Variants in WDPCP observed in about 807,000 individuals in gnomAD.
WDPCP encodes the protein WD repeat-containing and planar cell polarity effector protein fritz homolog.
In WDPCP, 71 loss-of-function variants were observed where a neutral mutation model predicts 93.1. The ratio of observed to expected loss-of-function variants is 0.76; its 90% CI spans 0.63 to 0.93. The LOEUF is 0.93. Ranked by LOEUF, WDPCP falls within the 40% of genes least tolerant of loss-of-function variation. The pLI is 0.00. For missense variants in WDPCP, 844 were observed against 887.4 expected, an observed-to-expected ratio of 0.95 and a Z score of 0.62; for synonymous variants, 315 against 315.0, an observed-to-expected ratio of 1.00 and a Z score of 0.00.
At chr2:63,215,641 T>C (rs1315431834) in intron 14 of WDPCP, among the ~76,000 whole-genome samples, 5 of 152,210 alleles carry the variant, frequency 3.3e-5, no homozygotes, top group South Asian at 2.1e-4. Context: ...ATTCAGGACA[T>C]AGGCATGGGC....
chr2:63,276,403 CAGA>C (rs1416303438), intron 13 of WDPCP, among the ~76,000 whole-genome samples: 1 of 152,092 alleles, frequency 6.6e-6, no homozygotes, highest in Non-Finnish European at 1.5e-5. Flanking sequence ...AAAAAGAATT[CAGA>C]AGGTTAATTA....
At chr2:63,780,492 T>A (rs941490833) in intron 2 of WDPCP, among the ~76,000 whole-genome samples, 10 of 152,204 alleles carry the variant, frequency 6.6e-5, no homozygotes, top group African/African-American at 2.4e-4. Flanking sequence ...TGAACCAAGC[T>A]GAACATTATT....
At chr2:63,607,502 C>T (rs1308138321) in intron 3 of WDPCP, among the ~76,000 whole-genome samples, 1 of 151,858 alleles carries the variant, frequency 6.6e-6, no homozygotes, top group Non-Finnish European at 1.5e-5. Context: ...CGCCACTGCA[C>T]TCCAGCCTGG....
chr2:63,553,641 A>G (rs999348677), intron 1 of WDPCP, among the ~76,000 whole-genome samples: 2 of 152,124 alleles, frequency 1.3e-5, no homozygotes, highest in African/African-American at 4.8e-5. Flanking sequence ...TTTAAAAAAA[A>G]AAAAACTTTT....
At chr2:63,609,899 A>G (rs1437744943) in intron 3 of WDPCP, among the ~76,000 whole-genome samples, 1 of 152,210 alleles carries the variant, frequency 6.6e-6, no homozygotes, top group Non-Finnish European at 1.5e-5. Context: ...TGTTATATGA[A>G]GAAAGTATGT....
At chr2:63,681,389 T>A (rs1052903526) in intron 2 of WDPCP, among the ~76,000 whole-genome samples, 1 of 152,110 alleles carries the variant, frequency 6.6e-6, no homozygotes, top group African/African-American at 2.4e-5. Flanking sequence ...TAAGGAAATA[T>A]TGGTGGTAGT....
At chr2:63,435,154 C>T (rs187730411) in intron 8 of WDPCP, among the ~76,000 whole-genome samples, 694 of 152,250 alleles carry the variant, frequency 4.6e-3, no homozygotes, top group Non-Finnish European at 6.8e-3. Flanking sequence ...TAACTCCTCA[C>T]AGTGTCCCTT....
At chr2:63,484,845 A>T in intron 5 of WDPCP, 72 bp downstream of exon 5, 1 of 1,555,570 alleles carries the variant, frequency 6.4e-7, no homozygotes, top group Non-Finnish European at 8.8e-7. Flanking sequence ...CCTTTATGAA[A>T]ATTAAAGCTG....
chr2:63,500,457 G>GTGTGTGTGTA (rs1701481181), intron 1 of WDPCP, among the ~76,000 whole-genome samples: 1 of 150,584 alleles, frequency 6.6e-6, no homozygotes, highest in South Asian at 2.1e-4. Context: ...GTGTGGGGGT[G>GTGTGTGTGTA]TGTGTGTGTG....
intron 2 of WDPCP, among the ~76,000 whole-genome samples, chr2:63,669,310 T>C (rs190319198): frequency 4.8e-4 from 73 of 152,080 alleles, no homozygotes; most frequent in Non-Finnish European, 7.1e-4. Context: ...TGTGCTTAAA[T>C]GCAATCTAAG....
At chr2:63,407,344 C>T (rs1459146189) in intron 9 of WDPCP, among the ~76,000 whole-genome samples, 1 of 152,112 alleles carries the variant, frequency 6.6e-6, no homozygotes, top group Non-Finnish European at 1.5e-5. Context: ...AATTGAGGCA[C>T]AGGGAGGATA....
At chr2:63,581,683 A>C (rs1708503017) in intron 1 of WDPCP, among the ~76,000 whole-genome samples, 1 of 152,188 alleles carries the variant, frequency 6.6e-6, no homozygotes, top group Non-Finnish European at 1.5e-5. Flanking sequence ...TGCATCACAG[A>C]ATAAAGCTCA....
chr2:63,139,170 TACACACACACAC>T (rs143596446), intron 17 of WDPCP, among the ~76,000 whole-genome samples: 6 of 149,238 alleles, frequency 4.0e-5, no homozygotes, highest in South Asian at 2.1e-4. Flanking sequence ...TATATGTGTA[TACACACACACAC>T]ACACACACAC....
In WDPCP at chr2:63,433,807, T is replaced by A. The variant is rs764485190; in HGVS notation, c.763A>T (p.Ile255Phe). The change falls in exon 9 of 18, where the codon ATT becomes TTT. Residue 255 changes from isoleucine to phenylalanine, a missense_variant. By Grantham distance (21) the Ile-to-Phe change is conservative. Coordinates refer to ENST00000272321, the MANE Select transcript of WDPCP (RefSeq NM_015910.7). ...TTGGCTCTGTCCTTCTCAGAAGAAATGGGGGCCCAAGGCCAAGCATCATCG... is the reference window on the plus strand; with the variant it reads ...TTGGCTCTGTCCTTCTCAGAAGAAAAGGGGGCCCAAGGCCAAGCATCATCG... Reference protein sequence around the residue: ...VNDDAWPWAPISSEKDRANLL... With the variant: ...VNDDAWPWAPFSSEKDRANLL... The A allele has an allele frequency of 3.7e-6, 6 of 1,612,162 alleles. No individual in the cohort carries two copies. The highest frequency in any genetic ancestry group is 4.2e-6 in the Non-Finnish European group (5 of 1,178,460).
intron 17 of WDPCP, among the ~76,000 whole-genome samples, chr2:63,123,047 G>GAA (rs56122640): frequency 1.5e-5 from 2 of 129,320 alleles, no homozygotes; most frequent in African/African-American, 2.8e-5. Context: ...ACACAAAATT[G>GAA]AAAAAAAAAA....
intron 1 of WDPCP, among the ~76,000 whole-genome samples, chr2:63,579,628 A>G (rs1483129681): frequency 1.3e-5 from 2 of 152,166 alleles, no homozygotes; most frequent in African/African-American, 4.8e-5. Context: ...AGAAAAAGAA[A>G]AAGAAAAAAT....
intron 6 of WDPCP, among the ~76,000 whole-genome samples, chr2:63,456,198 CTT>C (rs1558658681): frequency 6.6e-6 from 1 of 152,142 alleles, no homozygotes; most frequent in Non-Finnish European, 1.5e-5. Flanking sequence ...AGGGAGATCA[CTT>C]GAGGTCAGCA....
At chr2:63,489,114 A>T (rs1700727823) in intron 2 of WDPCP, among the ~76,000 whole-genome samples, 1 of 152,148 alleles carries the variant, frequency 6.6e-6, no homozygotes, top group African/African-American at 2.4e-5. Context: ...CCAACATGGT[A>T]TATCAAATCC....
intron 1 of WDPCP, chr2:63,517,911 G>A (rs902940525): frequency 2.0e-5 from 3 of 152,280 alleles, no homozygotes; most frequent in South Asian, 4.1e-4. Flanking sequence ...TTTTTGAGAT[G>A]AGTCTCCCTC....
Sources: gnomAD v4.1 joint callset for allele counts (sites outside exome capture counted in the v4.1 genomes callset) on GRCh38, gnomAD v4.1.1 for gene constraint, MANE v1.5 for transcripts, NCBI Gene and HGNC (gene_info 2026-07-23, HGNC 2026-07-21) for gene names.